SELENOV: variants seen among roughly 807,000 people sequenced by gnomAD.
SELENOV encodes selenoprotein V.
SELENOV carries 25 observed loss-of-function variants against 21.6 expected under a neutral mutation model. That is an observed-to-expected ratio of 1.16 (90% confidence interval 0.84 to 1.62). The LOEUF is 1.62. Ranked by LOEUF, SELENOV falls within the 40% of genes most tolerant of loss-of-function variation. The probability of loss-of-function intolerance (pLI) is 0.00; values close to 1 mark genes in which losing one functional copy is unlikely to be tolerated. For missense variants in SELENOV, 472 were observed against 459.0 expected (o/e 1.03, Z -0.26); for synonymous variants, 227 against 216.9 (o/e 1.05, Z -0.41).
rs774230743 is a variant in SELENOV at position 39,519,096 on chromosome 19, C to T, written c.989C>T (p.Ser330Phe). ...AGGGGTGATGGCTTTGTGAACGAGT[C>T]CAGGCTGCAGAAAATTGTGAGCGTT... is the stretch of plus-strand genomic sequence containing the variant. Residue 330 changes from serine (S) to phenylalanine (F), a missense_variant, in exon 5 of 6, where the codon TCC becomes TTC. Transcript: ENST00000335426. 5.0e-6 allele frequency: 8 copies of T among 1,613,742 alleles called. No individual in the cohort carries two copies. Among genetic ancestry groups the T allele is most frequent in the South Asian group, 3.3e-5 (3 of 91,052 alleles).
In SELENOV at chr19:39,515,687, C is replaced by T; in HGVS notation, c.475C>T (p.Pro159Ser). Reference sequence around the variant, plus strand: ...TTTGGATCCGCCCCCGGAACCTGCTCCGGAGCTGCCTTTGTTGCCCGAGGA... The same window carrying T: ...TTTGGATCCGCCCCCGGAACCTGCTTCGGAGCTGCCTTTGTTGCCCGAGGA... Residue 159 changes from proline (P) to serine (S), a missense_variant, in exon 1 of 6, where the codon CCG (proline) becomes TCG (serine). By Grantham distance (74) the Pro-to-Ser change is moderately conservative. Coordinates refer to ENST00000335426, the Ensembl canonical transcript of SELENOV. This position sits in a 1 kb window ranked among gnomAD's most constrained non-coding sequence, Gnocchi z 5.1. 3 of 1,548,910 alleles carry T rather than the reference C, an allele frequency of 1.9e-6. No individual in the cohort carries two copies. The highest frequency in any genetic ancestry group is 2.4e-5 in the East Asian group (1 of 40,922).
At position 39,515,465 on chromosome 19, in the gene SELENOV, G is replaced by T; in HGVS notation, c.253G>T (p.Val85Phe). 1 of 1,551,318 alleles carries T rather than the reference G, an allele frequency of 6.4e-7. No individual in the cohort carries two copies. The highest frequency in any genetic ancestry group is 1.7e-4 in the Middle Eastern group (1 of 5,992). The change falls in exon 1 of 6, where the codon GTT (valine) becomes TTT (phenylalanine). Residue 85 changes from valine (V) to phenylalanine (F), a missense_variant. Coordinates refer to ENST00000335426, the Ensembl canonical transcript of SELENOV. The surrounding 1 kb of genome is among the most constrained non-coding windows in gnomAD (Gnocchi z 5.1). ...CGCTCTGGCCCGGATCCCCCGTCTG[G>T]TTCCGCCTCCTGCTCCGGCCTGGAT...
At chr19:39,519,077 G>T (rs1371203473) in exon 5 of SELENOV, 2 of 1,613,882 alleles carry the variant, frequency 1.2e-6, no homozygotes, top group Non-Finnish European at 1.7e-6. Flanking sequence ...CCAGAGGGGT[G>T]ATGGCTTTGT....
rs762992703 is a variant in SELENOV, at chr19:39,519,167, GGAGGT to G, written c.*22+1_*22+5del. On this transcript the variant is annotated splice_donor_variant and 3_prime_UTR_variant, in exon 5 of 6. Transcript: ENST00000335426. LOFTEE classifies it low-confidence loss of function (3UTR_SPLICE). ...AAGGTAGCCGGCAAGGGGTGGAGCT[GGAGGT>G]GAGCGTGGAGCTCCCAAGGCTGCGG... is the stretch of plus-strand genomic sequence containing the variant. 6.2e-7 allele frequency: 1 copy of G among 1,610,540 alleles called. No homozygotes were observed. The highest frequency in any genetic ancestry group is 2.2e-5 in the East Asian group (1 of 44,846).
At chr19:39,519,047 G>A (rs750468621) in intron 4 of SELENOV, 24 bp from the exon 5 acceptor site, 48 of 1,613,500 alleles carry the variant, frequency 3.0e-5, no homozygotes, top group Non-Finnish European at 4.0e-5. Flanking sequence ...GGAGACCTGT[G>A]TGCTTTCTTC....
At chr19:39,516,133 A>G (rs2079696153) in intron 1 of SELENOV, 112 bp downstream of exon 1, 1 of 913,728 alleles carries the variant, frequency 1.1e-6, no homozygotes, top group African/African-American at 1.6e-5. Flanking sequence ...GGAGGGATTC[A>G]GGAAGAGCCC....
chr19:39,516,362 C>T (rs1317556494), intron 1 of SELENOV: 2 of 447,342 alleles, frequency 4.5e-6, no homozygotes, highest in East Asian at 1.1e-4. Context: ...AGACACCGCA[C>T]ATGATAGGGG....
At chr19:39,519,225 A>G (rs1395551256) in intron 5 of SELENOV, 55 bp downstream of exon 5, 2 of 1,213,382 alleles carry the variant, frequency 1.6e-6, no homozygotes, top group Admixed American at 1.9e-5. Context: ...GGGTAGGAGG[A>G]TGGGGCAGGG....
chr19:39,517,880 C>T (rs1424550293), intron 1 of SELENOV, among the ~76,000 whole-genome samples: 1 of 143,572 alleles, frequency 7.0e-6, no homozygotes, highest in Non-Finnish European at 1.5e-5. Context: ...GGGAGAATTG[C>T]TAGAACCCAG....
Position 39,515,154 on chromosome 19 carries a change from C to G in SELENOV, c.-59C>G. ...CCGGTGCGGGAGACGCTCTCCCCGC[C>G]CAAAGAGGGAAGGCGGGCGGGACTC... is the stretch of plus-strand genomic sequence containing the variant. On this transcript the variant is annotated 5_prime_UTR_variant, in exon 1 of 6. Transcript: ENST00000335426. This position sits in a 1 kb window ranked among gnomAD's most constrained non-coding sequence, Gnocchi z 5.1. 1 of 1,084,368 alleles carries G rather than the reference C, an allele frequency of 9.2e-7. No homozygotes were observed. 67.2% of individuals were successfully genotyped at this position (1,084,368 alleles called of 1,614,324 possible).
Position 39,518,728 on chromosome 19 carries a change from T to A in SELENOV, c.835-12T>A, listed in dbSNP as rs2079712546. 1 of 1,613,408 alleles carries A rather than the reference T, an allele frequency of 6.2e-7. No individual in the cohort carries two copies. The highest frequency in any genetic ancestry group is 1.7e-5 in the Admixed American group (1 of 59,964). ...TCCCCTGCAACCCCATGACCCCATC[T>A]CCTCCCCTCAGTACATTCTACTGAA... On this transcript the variant is annotated splice_polypyrimidine_tract_variant and intron_variant, in intron 2 of 5. Coordinates refer to ENST00000335426, the Ensembl canonical transcript of SELENOV.
intron 1 of SELENOV, among the ~76,000 whole-genome samples, chr19:39,517,334 C>T (rs561683780): frequency 1.7e-4 from 26 of 152,236 alleles, no homozygotes; most frequent in African/African-American, 6.0e-4. Flanking sequence ...CACCATGTTC[C>T]AGGTCCTATT....
At chr19:39,519,964 CAAAAAAAAA>C (rs5828040) in intron 5 of SELENOV, among the ~76,000 whole-genome samples, 173 bp from the exon 6 acceptor site, 1 of 76,928 alleles carries the variant, frequency 1.3e-5, no homozygotes, top group African/African-American at 5.3e-5. Flanking sequence ...GACTCTGTCT[CAAAAAAAAA>C]AAAAAAAAAA....
chr19:39,517,618 G>A (rs2079703914), intron 1 of SELENOV, among the ~76,000 whole-genome samples: 1 of 152,006 alleles, frequency 6.6e-6, no homozygotes, highest in African/African-American at 2.4e-5. Context: ...GAGAGCATTT[G>A]GCTGAGGGAA....
At position 39,515,865 on chromosome 19, in the gene SELENOV, T is replaced by TGG; in HGVS notation, c.653_654insGG (p.Ile218MetfsTer48). The TGG allele has an allele frequency of 1.9e-6, 3 of 1,555,858 alleles. No individual in the cohort carries two copies. In the South Asian group the frequency reaches 3.6e-5, roughly 18 times the overall value. On this transcript the variant is annotated frameshift_variant, in exon 1 of 6. Coordinates refer to ENST00000335426, the Ensembl canonical transcript of SELENOV. LOFTEE classifies it high-confidence loss of function. This position sits in a 1 kb window ranked among gnomAD's most constrained non-coding sequence, Gnocchi z 5.1. ...ACCTTCAGGGCAGACCCGTCGGCCATCGGGCTGGCGGATCCCCCCATTCCC... is the reference window on the plus strand; with the variant it reads ...ACCTTCAGGGCAGACCCGTCGGCCATGGCGGGCTGGCGGATCCCCCCATTCCC...
intron 1 of SELENOV, among the ~76,000 whole-genome samples, chr19:39,517,527 G>C (rs1440922497): frequency 6.6e-6 from 1 of 152,156 alleles, no homozygotes; most frequent in Non-Finnish European, 1.5e-5. Context: ...AGCTGGGGTG[G>C]TCAGGAAGGC....
chr19:39,519,222 A>G, intron 5 of SELENOV, 52 bp downstream of exon 5: 8 of 1,216,092 alleles, frequency 6.6e-6, no homozygotes, highest in Non-Finnish European at 9.6e-6. Flanking sequence ...GCCGGGTAGG[A>G]GGATGGGGCA....
intron 1 of SELENOV, among the ~76,000 whole-genome samples, chr19:39,517,992 G>C (rs1458400545): frequency 3.0e-4 from 8 of 26,364 alleles, no homozygotes; most frequent in South Asian, 1.5e-3. Flanking sequence ...AAAAAAAAAA[G>C]CCCAGCGCGG....
intron 1 of SELENOV, 176 bp downstream of exon 1, chr19:39,516,197 G>A (rs1205799692): frequency 1.4e-6 from 1 of 709,748 alleles, no homozygotes; most frequent in South Asian, 1.5e-5. Context: ...TTCTCTTTGG[G>A]GCAGGAGAGC....
Sources: allele counts gnomAD v4.1 joint callset (sites outside exome capture counted in the v4.1 genomes callset), GRCh38; gene constraint gnomAD v4.1.1; non-coding constraint Gnocchi (gnomAD v3.1); transcripts MANE v1.5; gene names NCBI Gene and HGNC (gene_info 2026-07-23, HGNC 2026-07-21).